The following SLC4A1 variants were observed in gnomAD, a reference collection of about 807,000 sequenced individuals.
SLC4A1 encodes the protein band 3 anion transport protein.
A neutral mutation model predicts 93.1 loss-of-function variants in SLC4A1; 29 were observed. That is an observed-to-expected ratio of 0.31 (90% CI 0.23 to 0.42). The LOEUF is 0.42. Among genes scored for constraint, SLC4A1 ranks in the 20% least tolerant of loss-of-function variants. The pLI is 1.00. For synonymous variants in SLC4A1, 469 were observed against 497.2 expected (o/e 0.94, Z 0.76); for missense variants, 965 against 1,190.1 (o/e 0.81, Z 2.78).
chr17:44,260,967 A>G (rs1426770373), intron 4 of SLC4A1, 152 bp from the exon 5 acceptor site: 11 of 911,610 alleles, frequency 1.2e-5, no homozygotes, highest in Non-Finnish European at 1.9e-5. Context: ...CTTATCTCCC[A>G]ACTTCCTGGC....
intron 3 of SLC4A1, 32 bp from the exon 4 acceptor site, chr17:44,261,668 G>A: frequency 1.2e-6 from 2 of 1,614,008 alleles, no homozygotes; most frequent in East Asian, 2.2e-5. Flanking sequence ...GTATTGACCT[G>A]ACCGTCCCCC....
intron 16 of SLC4A1, among the ~76,000 whole-genome samples, chr17:44,254,254 G>T (rs1309116203): frequency 6.6e-6 from 1 of 152,006 alleles, no homozygotes; most frequent in East Asian, 1.9e-4. Context: ...GGGATTACGG[G>T]CGTGAGCCAC....
chr17:44,266,364 G>C (rs748801709), intron 1 of SLC4A1, among the ~76,000 whole-genome samples: 1 of 152,152 alleles, frequency 6.6e-6, no homozygotes, highest in Non-Finnish European at 1.5e-5. Context: ...GGGTGTCTAA[G>C]CCTTAGGTAC....
At position 44,258,788 on chromosome 17, in the gene SLC4A1, A is replaced by G. The variant is rs1490716162; in HGVS notation, c.877-165T>C. ...CCACCCCTACTCTCCCCACTAAGAAAGAGCTCTGGGGAGACAGACGGGGGC... is the reference window on the plus strand; with the variant it reads ...CCACCCCTACTCTCCCCACTAAGAAGGAGCTCTGGGGAGACAGACGGGGGC... On this transcript the variant is annotated intron_variant, in intron 9 of 19. Transcript: ENST00000262418. This position sits in a 1 kb window ranked among gnomAD's most constrained non-coding sequence, Gnocchi z 6.1. Among the ~76,000 whole-genome samples the G allele has an allele frequency of 6.6e-6, 1 of 152,152 alleles. No individual in the cohort carries two copies. Among genetic ancestry groups the G allele is most frequent in the Non-Finnish European group, 1.5e-5 (1 of 68,018 alleles).
intron 7 of SLC4A1, 27 bp from the exon 8 acceptor site, chr17:44,259,608 G>T (rs369289685): frequency 6.3e-7 from 1 of 1,587,298 alleles, no homozygotes; most frequent in Non-Finnish European, 8.7e-7. Context: ...GGTGACGGGA[G>T]TCCTCGGGCC....
At chr17:44,260,339 G>T in intron 6 of SLC4A1, 65 bp downstream of exon 6, 1 of 1,569,620 alleles carries the variant, frequency 6.4e-7, no homozygotes, top group South Asian at 1.2e-5. Flanking sequence ...GGAGAACTTG[G>T]GGCAAGTGGG....
intron 1 of SLC4A1, among the ~76,000 whole-genome samples, chr17:44,266,014 A>G (rs993594936): frequency 1.3e-5 from 2 of 151,842 alleles, no homozygotes; most frequent in Non-Finnish European, 2.9e-5. Context: ...GGGATGTGCA[A>G]ACAGCCTTCT....
chr17:44,262,136 G>T, intron 3 of SLC4A1: 2 of 891,916 alleles, frequency 2.2e-6, no homozygotes, highest in Non-Finnish European at 2.8e-6. Flanking sequence ...TCCAAGAGGG[G>T]CCTCTTAACT....
At chr17:44,260,331 AG>A (rs1264574367) in intron 6 of SLC4A1, 72 bp downstream of exon 6, 4 of 1,558,004 alleles carry the variant, frequency 2.6e-6, no homozygotes, top group South Asian at 2.3e-5. Context: ...ATCCCGGGGG[AG>A]AACTTGGGGC....
At chr17:44,253,970 C>CTTTTT (rs55705332) in intron 16 of SLC4A1, among the ~76,000 whole-genome samples, 3 of 87,068 alleles carry the variant, frequency 3.4e-5, no homozygotes, top group Admixed American at 1.4e-4. Context: ...TCACCTGGCG[C>CTTTTT]TTTTTTTTTT....
intron 13 of SLC4A1, among the ~76,000 whole-genome samples, chr17:44,257,057 TCTCGG>T (rs1418293144): frequency 6.6e-6 from 1 of 150,978 alleles, no homozygotes; most frequent in African/African-American, 2.4e-5. Flanking sequence ...AGTGGCACAA[TCTCGG>T]CTCACTGCAA....
chr17:44,261,497 C>T lies in SLC4A1; in HGVS notation c.168+78G>A, dbSNP rs535366930. On this transcript the variant is annotated intron_variant, in intron 4 of 19. Transcript: ENST00000262418. Reference sequence around the variant, plus strand: ...CCCAGCCTGAAGCTGCCTCTATCCCCTTGCTCCTCTCTTCCCTGATCAAAT... The same window carrying T: ...CCCAGCCTGAAGCTGCCTCTATCCCTTTGCTCCTCTCTTCCCTGATCAAAT... 53 of 1,613,006 alleles carry T rather than the reference C, an allele frequency of 3.3e-5. 1 individual carries two copies. In the South Asian group the frequency reaches 5.5e-4, roughly 17 times the overall value.
intron 9 of SLC4A1, 57 bp downstream of exon 9, chr17:44,259,106 C>T: frequency 1.3e-6 from 2 of 1,577,374 alleles, no homozygotes; most frequent in South Asian, 2.2e-5. Flanking sequence ...GAGCAGGCCT[C>T]AGCCACCATG....
intron 3 of SLC4A1, 85 bp downstream of exon 3, chr17:44,262,550 TG>T: frequency 2.1e-6 from 2 of 972,764 alleles, no homozygotes; most frequent in Non-Finnish European, 1.6e-6. Context: ...AGGAGGACTG[TG>T]GAGAAGGGGA....
chr17:44,252,047 CTTTTTTT>C (rs966641655), intron 17 of SLC4A1, among the ~76,000 whole-genome samples: 3 of 69,100 alleles, frequency 4.3e-5, no homozygotes, highest in Non-Finnish European at 8.1e-5. Flanking sequence ...TCCTATGGGT[CTTTTTTT>C]TTTTTTTTTT....
chr17:44,251,469 G>A lies in SLC4A1; in HGVS notation c.2431C>T (p.Leu811Phe). 1 of 1,614,220 alleles carries A rather than the reference G, an allele frequency of 6.2e-7. No homozygotes were observed. The highest frequency in any genetic ancestry group is 8.5e-7 in the Non-Finnish European group (1 of 1,180,036). ...TGATACTTGGGTGGCTTGAACAGAA[G>A]CAAGATGCGGTCAAAGAGCTGGATG... is the stretch of plus-strand genomic sequence containing the variant. ...SGIQLFDRIL[L>F]LFKPPKYHPD... Residue 811 changes from leucine to phenylalanine, a missense_variant, in exon 18 of 20, where the codon CTT becomes TTT. Physicochemically the swap from Leu to Phe is conservative, Grantham distance 22. Around this residue, in one of 2 missense-constraint regions of SLC4A1, gnomAD observed 770 missense variants for 1,006.6 expected, o/e 0.76. Transcript: ENST00000262418.
rs1404444110 is a variant in SLC4A1 at position 44,268,128 on chromosome 17, C to G, written c.-143G>C. 9.1e-6 allele frequency: 9 copies of G among 985,312 alleles called. No individual in the cohort carries two copies. The highest frequency in any genetic ancestry group is 5.2e-4 in the Middle Eastern group (1 of 1,936). 61.0% of individuals were successfully genotyped at this position (985,312 alleles called of 1,614,324 possible). Reference sequence around the variant, plus strand: ...CCCTCTGCGACCAGCTACGTTCCCACTCGTTCTGACAGCACCAGCGCCCCA... The same window carrying G: ...CCCTCTGCGACCAGCTACGTTCCCAGTCGTTCTGACAGCACCAGCGCCCCA... On this transcript the variant is annotated 5_prime_UTR_variant, in exon 1 of 20. Coordinates refer to ENST00000262418, the MANE Select transcript of SLC4A1 (RefSeq NM_000342.4).
At chr17:44,252,253 C>T (rs1391373343) in intron 17 of SLC4A1, among the ~76,000 whole-genome samples, 1 of 151,960 alleles carries the variant, frequency 6.6e-6, no homozygotes, top group Non-Finnish European at 1.5e-5. Context: ...CGTGGTTTCA[C>T]CATGTTGGAC....
rs1331702687 is a variant in SLC4A1, at chr17:44,255,770, G to T, written c.1703C>A (p.Pro568His). The T allele has an allele frequency of 6.2e-7, 1 of 1,614,080 alleles. No homozygotes were observed. The highest frequency in any genetic ancestry group is 1.7e-5 in the Admixed American group (1 of 60,020). Residue 568 changes from proline to histidine, a missense_variant, in exon 14 of 20, where the codon CCC becomes CAC. Pro to His is a moderately conservative substitution (Grantham distance 77). Coordinates refer to ENST00000262418, the MANE Select transcript of SLC4A1 (RefSeq NM_000342.4). ...CACAAGGGAGAGGAGGGCTGTGTTG[G>T]GCAGGGGGCCCTGAGGTTTGGGCAC... ...LMVPKPQGPL[P>H]NTALLSLVLM... is the part of the protein sequence containing the mutation.
Sources: allele counts gnomAD v4.1 joint callset (sites outside exome capture counted in the v4.1 genomes callset), GRCh38; gene constraint gnomAD v4.1.1; regional missense constraint gnomAD v4.1.1; non-coding constraint Gnocchi (gnomAD v3.1); transcripts MANE v1.5; gene names NCBI Gene and HGNC (gene_info 2026-07-23, HGNC 2026-07-21).